Variants in CTNNA2 observed in about 807,000 individuals in gnomAD.
The protein encoded by CTNNA2 is catenin alpha-2.
Under a neutral mutation model 101.0 loss-of-function variants are expected in CTNNA2, and 42 were observed. The ratio of observed to expected loss-of-function variants is 0.42; its 90% CI spans 0.32 to 0.54. The LOEUF (loss-of-function observed/expected upper bound fraction) is 0.54. CTNNA2 is among the 20% of genes least tolerant of loss of function. CTNNA2 has a pLI of 0.14. For missense variants in CTNNA2, 871 were observed against 1,223.1 expected, an observed-to-expected ratio of 0.71 and a Z score of 4.29; for synonymous variants, 450 against 456.4, an observed-to-expected ratio of 0.99 and a Z score of 0.18.
At chr2:79,392,640 G>A (rs1573143925) in intron 4 of CTNNA2, among the ~76,000 whole-genome samples, 2 of 151,910 alleles carry the variant, frequency 1.3e-5, no homozygotes, top group East Asian at 3.9e-4. Flanking sequence ...TCTTTTTAAG[G>A]TTTTCTTTTT....
In CTNNA2 at chr2:79,777,327, A is replaced by ATGTGTGTG. The variant is rs67347678; in HGVS notation, c.298+32787_298+32794dup. On this transcript the variant is annotated intron_variant, in intron 3 of 18. Transcript: ENST00000402739. ...TCTTAGCCCATACCAAACACTTGTTATGTGTGTGTGTGTGTGTGTGTGTGT... is the reference window on the plus strand; with the variant it reads ...TCTTAGCCCATACCAAACACTTGTTATGTGTGTGTGTGTGTGTGTGTGTGTGTGTGTGT... 5.2e-4 allele frequency among the ~76,000 whole-genome samples: 73 copies of ATGTGTGTG among 139,684 alleles called. 1 individual carries two copies. In the East Asian group the frequency reaches 0.012, roughly 23 times the overall value. 91.6% of individuals were successfully genotyped at this position (139,684 alleles called of 152,430 possible).
chr2:80,065,622 G>A (rs1009502889), intron 7 of CTNNA2, among the ~76,000 whole-genome samples: 1 of 152,076 alleles, frequency 6.6e-6, no homozygotes, highest in Non-Finnish European at 1.5e-5. Context: ...AAAGTGCTGG[G>A]ATTACAAGCA....
At chr2:79,735,225 G>A (rs900528747) in intron 2 of CTNNA2, among the ~76,000 whole-genome samples, 18 of 152,060 alleles carry the variant, frequency 1.2e-4, no homozygotes, top group African/African-American at 1.9e-4. Context: ...ATGAAACATC[G>A]TGCCCTAATA....
intron 7 of CTNNA2, among the ~76,000 whole-genome samples, chr2:79,953,523 C>T (rs1004641691): frequency 5.9e-5 from 9 of 152,136 alleles, no homozygotes; most frequent in African/African-American, 2.2e-4. Context: ...AAGGAAGAAC[C>T]ACACAGGTAG....
At chr2:80,548,144 G>A (rs1179835067) in intron 11 of CTNNA2, among the ~76,000 whole-genome samples, 1 of 152,046 alleles carries the variant, frequency 6.6e-6, no homozygotes, top group Non-Finnish European at 1.5e-5. Flanking sequence ...ATAGAAAGGT[G>A]GCCACTGATA....
chr2:79,318,014 C>T (rs1558623206), intron 3 of CTNNA2, among the ~76,000 whole-genome samples: 1 of 151,914 alleles, frequency 6.6e-6, no homozygotes, highest in Non-Finnish European at 1.5e-5. Flanking sequence ...ATTTCTTGGT[C>T]ACCTATCATG....
chr2:80,589,896 G>GC (rs1416397409), intron 15 of CTNNA2, among the ~76,000 whole-genome samples: 26 of 150,044 alleles, frequency 1.7e-4, no homozygotes, highest in African/African-American at 5.6e-4. Flanking sequence ...GTGTGTGTGT[G>GC]TGTGTGTGTG....
At chr2:79,874,748 C>T (rs1273097515) in intron 6 of CTNNA2, among the ~76,000 whole-genome samples, 2 of 152,084 alleles carry the variant, frequency 1.3e-5, no homozygotes, top group Non-Finnish European at 2.9e-5. Context: ...GCGGAGATTG[C>T]GGTGAGCCGA....
chr2:79,982,203 TA>T (rs1691333713), intron 7 of CTNNA2, among the ~76,000 whole-genome samples: 5 of 23,398 alleles, frequency 2.1e-4, no homozygotes, highest in African/African-American at 1.0e-3. Context: ...TATATATATA[TA>T]TATATATATA....
rs77541506 is a variant in CTNNA2 at position 79,662,697 on chromosome 2, A to T, written c.102+11039A>T. Among the ~76,000 whole-genome samples the T allele has an allele frequency of 3.5e-3, 532 of 152,294 alleles. 12 individuals are homozygous for T. The East Asian group carries it at 0.048, about 14-fold the overall frequency. ...TTGGGGCATGTCAACACACTGGCTT[A>T]TATGTTTCTTGTCATCCGATTGAAA... On this transcript the variant is annotated intron_variant, in intron 2 of 18. Transcript: ENST00000402739.
chr2:80,099,531 T>C (rs1190165422), intron 7 of CTNNA2, among the ~76,000 whole-genome samples: 1 of 152,150 alleles, frequency 6.6e-6, no homozygotes, highest in African/African-American at 2.4e-5. Flanking sequence ...GGGAGAACCA[T>C]GTTAAATACC....
intron 3 of CTNNA2, among the ~76,000 whole-genome samples, chr2:79,857,529 C>A (rs1211084730): frequency 1.3e-5 from 2 of 152,116 alleles, no homozygotes; most frequent in Non-Finnish European, 2.9e-5. Context: ...ATCTTGGGTG[C>A]CTCTATGATG....
At chr2:80,486,031 T>A (rs1371152284) in intron 9 of CTNNA2, among the ~76,000 whole-genome samples, 1 of 152,176 alleles carries the variant, frequency 6.6e-6, no homozygotes, top group East Asian at 1.9e-4. Context: ...AATTACACCC[T>A]CAGACTCTGT....
rs542810939 is a variant in CTNNA2, at chr2:79,943,032, T to G, written c.1056+33235T>G. Among the ~76,000 whole-genome samples the G allele has an allele frequency of 7.2e-5, 11 of 152,066 alleles. No individual in the cohort carries two copies. In the South Asian group the frequency reaches 2.3e-3, roughly 32 times the overall value. ...AGAAGTTCAAGACCATTCTGGCCAATGTGTTGAAACCCCATCTCTGCTAAA... is the reference window on the plus strand; with the variant it reads ...AGAAGTTCAAGACCATTCTGGCCAAGGTGTTGAAACCCCATCTCTGCTAAA... On this transcript the variant is annotated intron_variant, in intron 7 of 18. Transcript: ENST00000402739.
At chr2:80,642,624 G>A (rs548301418) in intron 18 of CTNNA2, among the ~76,000 whole-genome samples, 2 of 152,306 alleles carry the variant, frequency 1.3e-5, no homozygotes, top group Non-Finnish European at 2.9e-5. Flanking sequence ...GTTGACTTCT[G>A]CAGTCGAATT....
At chr2:80,630,051 GCCCACCACAGTAAT>G (rs1453438081) in intron 18 of CTNNA2, among the ~76,000 whole-genome samples, 1 of 152,112 alleles carries the variant, frequency 6.6e-6, no homozygotes, top group East Asian at 1.9e-4. Flanking sequence ...GCCCCTGAGA[GCCCACCACAGTAAT>G]CCTCTAGACA....
At chr2:79,379,173 C>A (rs973250035) in intron 4 of CTNNA2, among the ~76,000 whole-genome samples, 3 of 152,196 alleles carry the variant, frequency 2.0e-5, no homozygotes, top group Admixed American at 2.0e-4. Context: ...TGTAACTGCA[C>A]ATGAATATAT....
chr2:79,861,946 C>A (rs1681654519), intron 4 of CTNNA2, among the ~76,000 whole-genome samples: 1 of 152,164 alleles, frequency 6.6e-6, no homozygotes, highest in African/African-American at 2.4e-5. Context: ...ATCCTGCAAT[C>A]AGTTCACATT....
chr2:79,901,493 T>C (rs1685066824), intron 6 of CTNNA2, among the ~76,000 whole-genome samples: 1 of 152,170 alleles, frequency 6.6e-6, no homozygotes, highest in African/African-American at 2.4e-5. Context: ...CCACTAGCAT[T>C]TGCATTTTCC....
Sources: gnomAD v4.1 joint callset for allele counts (sites outside exome capture counted in the v4.1 genomes callset) on GRCh38, gnomAD v4.1.1 for gene constraint, MANE v1.5 for transcripts, NCBI Gene and HGNC (gene_info 2026-07-23, HGNC 2026-07-21) for gene names.